TTBK2: variants seen among roughly 807,000 people sequenced by gnomAD.
The protein encoded by TTBK2 is tau-tubulin kinase 2.
Under a neutral mutation model 110.8 loss-of-function variants are expected in TTBK2, and 28 were observed. That is an observed-to-expected ratio of 0.25 (90% CI 0.19 to 0.35). The LOEUF is 0.35. Among genes scored for constraint, TTBK2 ranks in the 10% least tolerant of loss-of-function variants. The pLI is 1.00. For missense variants in TTBK2, 1,369 were observed against 1,500.3 expected (o/e 0.91, Z 1.45); for synonymous variants, 532 against 527.3 (o/e 1.01, Z -0.12).
At chr15:42,897,942 C>A (rs1428230650) in intron 1 of TTBK2, among the ~76,000 whole-genome samples, 1 of 152,034 alleles carries the variant, frequency 6.6e-6, no homozygotes, top group East Asian at 1.9e-4. Flanking sequence ...GTAATCCTAG[C>A]ACTTTGGGAG....
chr15:42,752,318 TGGCTGATA>T lies in TTBK2; in HGVS notation c.2920_2927del (p.Tyr974ArgfsTer24). 1 of 1,614,240 alleles carries T rather than the reference TGGCTGATA, an allele frequency of 6.2e-7. No individual in the cohort carries two copies. The highest frequency in any genetic ancestry group is 8.5e-7 in the Non-Finnish European group (1 of 1,180,042). ...TTTCCACCAGAAGCTTGACTAGGTC[TGGCTGATA>T]GGCTTTCTTTTGGAGGAGCTTTTCT... On this transcript the variant is annotated frameshift_variant, in exon 14 of 15. Transcript: ENST00000267890. LOFTEE classifies it high-confidence loss of function.
intron 11 of TTBK2, among the ~76,000 whole-genome samples, chr15:42,781,519 AC>A (rs776683441): frequency 6.6e-6 from 1 of 152,140 alleles, no homozygotes; most frequent in Non-Finnish European, 1.5e-5. Flanking sequence ...TTAGTGCTAT[AC>A]ATTTCTCTCT....
In TTBK2 at chr15:42,746,153, G is replaced by C; in HGVS notation, c.3377C>G (p.Thr1126Ser). ...AGGAGATCCTGGACTCTTGCACTGA[G>C]TAGTGCTCCGGGGTTTCTGAGATCC... ...QNGSQKPRST[T>S]QCKSPGSPHN... The change falls in exon 15 of 15, where the codon ACT becomes AGT. Residue 1126 changes from threonine to serine, a missense_variant. By Grantham distance (58) the Thr-to-Ser change is moderately conservative. Around this residue, in one of 4 missense-constraint regions of TTBK2, gnomAD observed 1,097 missense variants for 1,114.7 expected, o/e 0.98. Transcript: ENST00000267890. The C allele has an allele frequency of 6.2e-7, 1 of 1,614,200 alleles. No individual in the cohort carries two copies. Among genetic ancestry groups the C allele is most frequent in the Non-Finnish European group, 8.5e-7 (1 of 1,180,028 alleles).
chr15:42,797,166 GGTGGA>G (rs1890980019), intron 9 of TTBK2, among the ~76,000 whole-genome samples: 1 of 152,236 alleles, frequency 6.6e-6, no homozygotes, highest in African/African-American at 2.4e-5. Flanking sequence ...CTTCCTGGAA[GGTGGA>G]ATCCCCATAC....
At chr15:42,839,929 G>A (rs1893152936) in intron 4 of TTBK2, among the ~76,000 whole-genome samples, 1 of 152,096 alleles carries the variant, frequency 6.6e-6, no homozygotes, top group South Asian at 2.1e-4. Context: ...CCTAGATCTT[G>A]GATTTTCCAA....
rs1290557904 is a variant in TTBK2 at position 42,746,272 on chromosome 15, G to T, written c.3273-15C>A. On this transcript the variant is annotated splice_polypyrimidine_tract_variant and intron_variant, in intron 14 of 14. Transcript: ENST00000267890. ...ATCTGCGTAGCCTTAAAAGAACAGA[G>T]AAAATATATTTTAATTTTAATTCAT... is the stretch of plus-strand genomic sequence containing the variant. 2 of 1,577,506 alleles carry T rather than the reference G, an allele frequency of 1.3e-6. No individual in the cohort carries two copies. Among genetic ancestry groups the T allele is most frequent in the Admixed American group, 3.4e-5 (2 of 58,462 alleles).
chr15:42,851,594 A>C (rs975934399), intron 3 of TTBK2, among the ~76,000 whole-genome samples: 1 of 152,120 alleles, frequency 6.6e-6, no homozygotes, highest in Non-Finnish European at 1.5e-5. Flanking sequence ...TTGTTGTGGA[A>C]GGTGGGTAAT....
chr15:42,815,086 T>C (rs1456339143), intron 7 of TTBK2, among the ~76,000 whole-genome samples: 1 of 152,190 alleles, frequency 6.6e-6, no homozygotes, highest in Non-Finnish European at 1.5e-5. Flanking sequence ...GATTCCAATG[T>C]TGACATAATT....
intron 9 of TTBK2, chr15:42,801,502 C>T: frequency 1.3e-6 from 1 of 771,322 alleles, no homozygotes; most frequent in Non-Finnish European, 2.4e-6. Flanking sequence ...AGATCTCAGT[C>T]TTTGCACACC....
At chr15:42,868,778 G>A (rs1894488852) in intron 3 of TTBK2, among the ~76,000 whole-genome samples, 1 of 151,808 alleles carries the variant, frequency 6.6e-6, no homozygotes, top group Non-Finnish European at 1.5e-5. Flanking sequence ...CAGAGGACTG[G>A]TTGAGCCACA....
chr15:42,844,422 G>A (rs1379134825), intron 3 of TTBK2, among the ~76,000 whole-genome samples: 1 of 152,102 alleles, frequency 6.6e-6, no homozygotes, highest in South Asian at 2.1e-4. Flanking sequence ...AGCCAGGTGT[G>A]GGGGCACATG....
At chr15:42,818,501 C>T (rs975369108) in intron 6 of TTBK2, among the ~76,000 whole-genome samples, 1 of 152,044 alleles carries the variant, frequency 6.6e-6, no homozygotes, top group African/African-American at 2.4e-5. Flanking sequence ...GGGCAGATCA[C>T]AAGGTCAGAA....
At chr15:42,900,421 T>G (rs2029918568) in intron 1 of TTBK2, among the ~76,000 whole-genome samples, 1 of 152,184 alleles carries the variant, frequency 6.6e-6, no homozygotes, top group African/African-American at 2.4e-5. Context: ...TTACCAACTA[T>G]TAACAGTAGT....
chr15:42,834,196 A>AT (rs1555429705), intron 4 of TTBK2, among the ~76,000 whole-genome samples: 1 of 124,284 alleles, frequency 8.0e-6, no homozygotes, highest in Admixed American at 8.5e-5. Context: ...AAAAAAAAAA[A>AT]GGGGGGGGGT....
rs151001229 is a variant in TTBK2 at position 42,796,679 on chromosome 15, T to G, written c.823-1878A>C. 3.7e-3 allele frequency among the ~76,000 whole-genome samples: 571 copies of G among 152,350 alleles called. 2 individuals are homozygous for G. Among genetic ancestry groups the G allele is most frequent in the African/African-American group, 0.013 (546 of 41,580 alleles). On this transcript the variant is annotated intron_variant, in intron 9 of 14. Transcript: ENST00000267890. ...AATGTATAGTTATTTCTGTATTTAATTAATTTCTCTTTCAACCCAGACTAT... is the reference window on the plus strand; with the variant it reads ...AATGTATAGTTATTTCTGTATTTAAGTAATTTCTCTTTCAACCCAGACTAT...
chr15:42,887,613 T>C (rs1017110846), intron 1 of TTBK2, among the ~76,000 whole-genome samples: 10 of 152,216 alleles, frequency 6.6e-5, no homozygotes, highest in African/African-American at 2.4e-4. Context: ...GTCCAGGATC[T>C]GCGCCTTATC....
chr15:42,757,407 G>A (rs571421311), intron 13 of TTBK2, among the ~76,000 whole-genome samples: 25 of 152,206 alleles, frequency 1.6e-4, no homozygotes, highest in Non-Finnish European at 2.9e-4. Flanking sequence ...CACTGTGCCC[G>A]GTTAGAGTAC....
chr15:42,919,283 TA>T (rs10712537), intron 1 of TTBK2, among the ~76,000 whole-genome samples: 129,106 of 151,024 alleles, frequency 0.85, 55,257 homozygotes, highest in South Asian at 0.9. Flanking sequence ...CTTCTTTATT[TA>T]AAAAAAAAAA....
At chr15:42,783,353 T>A (rs982182382) in intron 11 of TTBK2, 66 bp downstream of exon 11, 59 of 1,527,410 alleles carry the variant, frequency 3.9e-5, no homozygotes, top group Non-Finnish European at 5.2e-5. Context: ...CTAGCCTTCC[T>A]TCTTGGACTT....
Sources: gnomAD v4.1 joint callset for allele counts (sites outside exome capture counted in the v4.1 genomes callset) on GRCh38, gnomAD v4.1.1 for gene constraint, gnomAD v4.1.1 regional missense constraint, MANE v1.5 for transcripts, NCBI Gene and HGNC (gene_info 2026-07-23, HGNC 2026-07-21) for gene names.